The following F2 variants were observed in gnomAD, a reference collection of about 807,000 sequenced individuals.
F2 encodes prothrombin.
F2 carries 34 observed loss-of-function variants against 81.9 expected under a neutral mutation model. The ratio of observed to expected loss-of-function variants is 0.42; its 90% CI spans 0.32 to 0.55. The LOEUF is 0.55. Ranked by LOEUF, F2 falls within the 20% of genes least tolerant of loss-of-function variation. The pLI is 0.18. For missense variants in F2, 630 were observed against 833.4 expected, an observed-to-expected ratio of 0.76 and a Z score of 3.00; for synonymous variants, 296 against 326.4, an observed-to-expected ratio of 0.91 and a Z score of 1.01.
At chr11:46,737,142 ATTAT>A (rs1271827949) in intron 12 of F2, among the ~76,000 whole-genome samples, 1 of 151,772 alleles carries the variant, frequency 6.6e-6, no homozygotes, top group Non-Finnish European at 1.5e-5. Flanking sequence ...TATTAGGCCT[ATTAT>A]TTTTCTTTTT....
In F2 at chr11:46,728,280, A is replaced by C; in HGVS notation, c.1298+117A>C. 1.8e-6 allele frequency: 2 copies of C among 1,131,160 alleles called. No individual in the cohort carries two copies. The highest frequency in any genetic ancestry group is 1.3e-6 in the Non-Finnish European group (1 of 772,572). The allele number at this position is 1,131,160 out of a possible 1,614,324, so 70.1% of individuals were successfully genotyped here. ...TGTTCTGTATACCCCCCAGAATATA[A>C]CATCCCAGCAGTCTCTGCTGGAAAG... is the stretch of plus-strand genomic sequence containing the variant. On this transcript the variant is annotated intron_variant, in intron 10 of 13. Transcript: ENST00000311907. The surrounding 1 kb of genome is among the most constrained non-coding windows in gnomAD (Gnocchi z 5.1).
chr11:46,737,646 G>T (rs549130809), intron 12 of F2, among the ~76,000 whole-genome samples: 8 of 151,154 alleles, frequency 5.3e-5, no homozygotes, highest in Non-Finnish European at 8.8e-5. Flanking sequence ...CACCGCGTTC[G>T]CCAGGATGGT....
At chr11:46,731,099 T>C (rs893246509) in intron 12 of F2, among the ~76,000 whole-genome samples, 1 of 152,156 alleles carries the variant, frequency 6.6e-6, no homozygotes, top group Non-Finnish European at 1.5e-5. Context: ...GTATTTGTAG[T>C]AGAGACAGGG....
intron 12 of F2, among the ~76,000 whole-genome samples, chr11:46,737,290 C>A (rs545296394): frequency 6.6e-6 from 1 of 151,536 alleles, no homozygotes; most frequent in Admixed American, 6.6e-5. Context: ...TACAGGTGCA[C>A]GCCACCATGC....
At chr11:46,721,362 AT>A (rs561232450) in intron 4 of F2, among the ~76,000 whole-genome samples, 1 of 151,976 alleles carries the variant, frequency 6.6e-6, no homozygotes, top group Non-Finnish European at 1.5e-5. Context: ...TTAAGGCTTC[AT>A]TCTCCTTTGC....
Position 46,725,947 on chromosome 11 carries a change from T to C in F2, c.648T>C (p.Asp216=), listed in dbSNP as rs145352722. 1.2e-6 allele frequency: 2 copies of C among 1,613,900 alleles called. No individual in the cohort carries two copies. Among genetic ancestry groups the C allele is most frequent in the Non-Finnish European group, 1.7e-6 (2 of 1,180,016 alleles). Residue 216 remains aspartate, a synonymous_variant, in exon 7 of 14, where the codon GAT becomes GAC. Coordinates refer to ENST00000311907, the MANE Select transcript of F2 (RefSeq NM_000506.5). ...CTCCATTGGAGCAGTGTGTCCCTGA[T>C]CGGGGGCAGCAGTACCAGGGGCGCC... ...LSPPLEQCVP[D]RGQQYQGRLA...
intron 12 of F2, among the ~76,000 whole-genome samples, 181 bp from the exon 13 acceptor site, chr11:46,738,867 T>TG (rs1239244316): frequency 6.6e-6 from 1 of 152,202 alleles, no homozygotes; most frequent in Non-Finnish European, 1.5e-5. Context: ...GGTTTGGATT[T>TG]GGGGTCTATG....
chr11:46,738,986 T>C, intron 12 of F2, 62 bp from the exon 13 acceptor site: 1 of 1,575,578 alleles, frequency 6.3e-7, no homozygotes, highest in South Asian at 1.1e-5. Flanking sequence ...CTGTGTCTCG[T>C]GAAGGGGCGT....
chr11:46,726,253 C>T lies in F2; in HGVS notation c.874+80C>T, dbSNP rs1592412616. 5.1e-6 allele frequency: 8 copies of T among 1,567,018 alleles called. No homozygotes were observed. Among genetic ancestry groups the T allele is most frequent in the South Asian group, 2.3e-5 (2 of 88,396 alleles). ...ACAACAGCCGCTTCTGCTTATCGAA[C>T]GCTTACCTCATTGAGTGCGCTCATT... is the stretch of plus-strand genomic sequence containing the variant. On this transcript the variant is annotated intron_variant, in intron 7 of 13. Coordinates refer to ENST00000311907, the MANE Select transcript of F2 (RefSeq NM_000506.5). The surrounding 1 kb of genome is among the most constrained non-coding windows in gnomAD (Gnocchi z 5.9).
intron 12 of F2, 32 bp downstream of exon 12, chr11:46,729,593 G>A: frequency 1.9e-6 from 3 of 1,600,494 alleles, no homozygotes; most frequent in Non-Finnish European, 2.6e-6. Context: ...TGAGGGAACA[G>A]TGGGGCCCAA....
At position 46,728,629 on chromosome 11, in the gene F2, G is replaced by A. The variant is rs1046471666; in HGVS notation, c.1299-35G>A. 2.5e-6 allele frequency: 4 copies of A among 1,612,890 alleles called. No individual in the cohort carries two copies. Among genetic ancestry groups the A allele is most frequent in the Admixed American group, 3.3e-5 (2 of 60,020 alleles). On this transcript the variant is annotated intron_variant, in intron 10 of 13. Coordinates refer to ENST00000311907, the MANE Select transcript of F2 (RefSeq NM_000506.5). The surrounding 1 kb of genome is among the most constrained non-coding windows in gnomAD (Gnocchi z 5.1). ...TTCCTGCTCCTTGCTGGGTGAACCT[G>A]CAGCTTCTCCATTTCTTTCTTGGGG...
Position 46,723,109 on chromosome 11 carries a change from T to C in F2, c.317-71T>C. On this transcript the variant is annotated intron_variant, in intron 4 of 13. Coordinates refer to ENST00000311907, the MANE Select transcript of F2 (RefSeq NM_000506.5). The surrounding 1 kb of genome is among the most constrained non-coding windows in gnomAD (Gnocchi z 5.6). ...CCTGCATGAGCTGGGAGGTGGGGGA[T>C]AGACAACTTTGCAGGGAGAGAGGAA... The C allele has an allele frequency of 1.5e-6, 2 of 1,324,962 alleles. No individual in the cohort carries two copies. The highest frequency in any genetic ancestry group is 2.3e-5 in the East Asian group (1 of 43,574). The allele number at this position is 1,324,962 out of a possible 1,614,324, so 82.1% of individuals were successfully genotyped here. A position where few individuals can be genotyped will look rare whatever the true frequency, so the allele number is the denominator to read the frequency against.
intron 12 of F2, among the ~76,000 whole-genome samples, chr11:46,734,770 C>T (rs1025010411): frequency 3.3e-5 from 5 of 152,092 alleles, no homozygotes; most frequent in African/African-American, 1.2e-4. Flanking sequence ...GAGATCGTGC[C>T]GCTGCACTCC....
intron 12 of F2, among the ~76,000 whole-genome samples, chr11:46,733,070 T>C (rs1204193405): frequency 6.6e-6 from 1 of 152,176 alleles, no homozygotes; most frequent in Admixed American, 6.6e-5. Flanking sequence ...AACCATGAGT[T>C]CCTACTGAAA....
rs34296052 is a variant in F2, at chr11:46,733,782, CTTTTTTTTTTTT to C, written c.1654+4234_1654+4245del. 1.0e-4 allele frequency among the ~76,000 whole-genome samples: 9 copies of C among 89,770 alleles called. No homozygotes were observed. In the East Asian group the frequency reaches 4.3e-3, roughly 43 times the overall value. 58.9% of individuals were successfully genotyped at this position (89,770 alleles called of 152,430 possible). A position where few individuals can be genotyped will look rare whatever the true frequency, so the allele number is the denominator to read the frequency against. ...AACATCGTATCATATGATTAAGGAC[CTTTTTTTTTTTT>C]TTTTTTTTTTTTGAGATGGAGTCTC... On this transcript the variant is annotated intron_variant, in intron 12 of 13. Transcript: ENST00000311907.
In F2 at chr11:46,719,590, C is replaced by A; in HGVS notation, c.80-112C>A. ...TTCCAGGCACTTCCACCAGCCCAGA[C>A]AGCCTCTCTCAGAAGCCAGCAGGGG... On this transcript the variant is annotated intron_variant, in intron 1 of 13. Coordinates refer to ENST00000311907, the MANE Select transcript of F2 (RefSeq NM_000506.5). The surrounding 1 kb of genome is among the most constrained non-coding windows in gnomAD (Gnocchi z 4.7). 1 of 1,399,896 alleles carries A rather than the reference C, an allele frequency of 7.1e-7. No homozygotes were observed. The allele number at this position is 1,399,896 out of a possible 1,614,324, so 86.7% of individuals were successfully genotyped here.
At chr11:46,737,369 C>G (rs1420319269) in intron 12 of F2, among the ~76,000 whole-genome samples, 1 of 151,050 alleles carries the variant, frequency 6.6e-6, no homozygotes, top group African/African-American at 2.4e-5. Context: ...GTCTCGAACT[C>G]CTGACCTCAT....
intron 2 of F2, chr11:46,720,250 T>C (rs979225988): frequency 7.1e-6 from 4 of 566,442 alleles, no homozygotes; most frequent in Non-Finnish European, 1.3e-5. Flanking sequence ...TCGCCTTTCC[T>C]GTCTGTAGGG....
Position 46,739,067 on chromosome 11 carries a change from G to C in F2, c.1674G>C (p.Gly558=), listed in dbSNP as rs2064961431. ...TTCAAGGTTACAAGCCTGATGAAGG[G>C]AAACGAGGGGATGCCTGTGAAGGTG... The part of the protein sequence containing the change: ...MFCAGYKPDE[G]KRGDACEGDS... The change falls in exon 13 of 14, where the codon GGG becomes GGC. Residue 558 remains glycine, a synonymous_variant. Coordinates refer to ENST00000311907, the MANE Select transcript of F2 (RefSeq NM_000506.5). 6.2e-7 allele frequency: 1 copy of C among 1,614,228 alleles called. No homozygotes were observed. The highest frequency in any genetic ancestry group is 8.5e-7 in the Non-Finnish European group (1 of 1,180,048).
Sources: gnomAD v4.1 joint callset for allele counts (sites outside exome capture counted in the v4.1 genomes callset) on GRCh38, gnomAD v4.1.1 for gene constraint, Gnocchi (gnomAD v3.1) non-coding constraint, MANE v1.5 for transcripts, NCBI Gene and HGNC (gene_info 2026-07-23, HGNC 2026-07-21) for gene names.